SLC9B2: variants seen among roughly 807,000 people sequenced by gnomAD.
The protein encoded by SLC9B2 is solute carrier family 9 member B2, also known as sodium/hydrogen exchanger 9B2.
A neutral mutation model predicts 52.2 loss-of-function variants in SLC9B2; 39 were observed. The ratio of observed to expected loss-of-function variants is 0.75; its 90% confidence interval spans 0.58 to 0.98. SLC9B2 has a LOEUF of 0.98. Among genes scored for constraint, SLC9B2 ranks in the 50% least tolerant of loss-of-function variants. The probability of loss-of-function intolerance (pLI) is 0.00; values close to 1 mark genes in which losing one functional copy is unlikely to be tolerated. For synonymous variants in SLC9B2, 214 were observed against 227.0 expected, an observed-to-expected ratio of 0.94 and a Z score of 0.51; for missense variants, 626 against 637.5, an observed-to-expected ratio of 0.98 and a Z score of 0.19.
At chr4:103,057,273 TACAC>T (rs1553917193) in intron 4 of SLC9B2, among the ~76,000 whole-genome samples, 5 of 143,224 alleles carry the variant, frequency 3.5e-5, no homozygotes, top group African/African-American at 1.3e-4. Context: ...TATATATATA[TACAC>T]ACACACACAC....
At chr4:103,044,336 C>T (rs1486893959) in intron 8 of SLC9B2, among the ~76,000 whole-genome samples, 2 of 152,196 alleles carry the variant, frequency 1.3e-5, no homozygotes, top group African/African-American at 4.8e-5. Context: ...TCTGTATCTG[C>T]TATAGCCACG....
chr4:103,055,674 G>A (rs1162800460), intron 4 of SLC9B2, among the ~76,000 whole-genome samples: 2 of 151,940 alleles, frequency 1.3e-5, no homozygotes, highest in Non-Finnish European at 2.9e-5. Context: ...AACTGTTCAG[G>A]AAATGTGTGT....
chr4:103,070,061 A>G (rs541373617), intron 1 of SLC9B2, among the ~76,000 whole-genome samples: 11 of 152,364 alleles, frequency 7.2e-5, no homozygotes, highest in Admixed American at 4.6e-4. Context: ...GTACTTATAC[A>G]TGATCAGAAA....
At chr4:103,054,771 C>T (rs1744978394) in intron 4 of SLC9B2, among the ~76,000 whole-genome samples, 1 of 152,174 alleles carries the variant, frequency 6.6e-6, no homozygotes, top group South Asian at 2.1e-4. Context: ...GAAATAGGAA[C>T]ACTTTTACAC....
chr4:103,067,690 T>G (rs1230603602), intron 1 of SLC9B2, 98 bp from the exon 2 acceptor site: 1 of 677,774 alleles, frequency 1.5e-6, no homozygotes, highest in East Asian at 2.8e-5. Context: ...AAATTCCGAA[T>G]GGCTAAACTA....
intron 9 of SLC9B2, among the ~76,000 whole-genome samples, chr4:103,039,778 C>T (rs1025768619): frequency 7.3e-5 from 11 of 151,534 alleles, no homozygotes; most frequent in African/African-American, 2.7e-4. Flanking sequence ...TCCCGAGTAG[C>T]TGGGACTATA....
At chr4:103,035,123 C>T (rs536727491) in intron 9 of SLC9B2, among the ~76,000 whole-genome samples, 1 of 152,160 alleles carries the variant, frequency 6.6e-6, no homozygotes, top group East Asian at 1.9e-4. Flanking sequence ...TTTCCTGGTC[C>T]TCTCCCTCCT....
intron 1 of SLC9B2, among the ~76,000 whole-genome samples, chr4:103,070,688 G>A (rs1208662034): frequency 2.0e-5 from 3 of 152,144 alleles, no homozygotes; most frequent in South Asian, 2.1e-4. Context: ...TGATCCACCC[G>A]CCTAGGCCTC....
At chr4:103,039,221 T>G (rs941066148) in intron 9 of SLC9B2, among the ~76,000 whole-genome samples, 1 of 152,246 alleles carries the variant, frequency 6.6e-6, no homozygotes, top group Non-Finnish European at 1.5e-5. Context: ...GCTCTTAGTA[T>G]GATATCATGC....
At position 103,024,425 on chromosome 4, in the gene SLC9B2, C is replaced by T. The variant is rs574152865; in HGVS notation, c.*1945G>A. On this transcript the variant is annotated 3_prime_UTR_variant, in exon 12 of 12. Coordinates refer to ENST00000394785, the MANE Select transcript of SLC9B2 (RefSeq NM_178833.7). ...GCATAAACATTAAAGGAATACAGCA[C>T]CATAGGGTAACCAAAGCAAAGTTGA... Among the ~76,000 whole-genome samples the T allele has an allele frequency of 3.3e-5, 5 of 152,154 alleles. No individual in the cohort carries two copies. The East Asian group carries it at 7.7e-4, about 24-fold the overall frequency.
chr4:103,062,720 C>T (rs557631720), intron 3 of SLC9B2, among the ~76,000 whole-genome samples: 1 of 152,314 alleles, frequency 6.6e-6, no homozygotes, highest in Admixed American at 6.5e-5. Flanking sequence ...AAGTGATTCT[C>T]CTGTCTCAGC....
intron 4 of SLC9B2, among the ~76,000 whole-genome samples, chr4:103,056,894 C>A (rs566751892): frequency 4.6e-5 from 7 of 152,092 alleles, no homozygotes; most frequent in African/African-American, 1.4e-4. Context: ...TGCAGTGTTA[C>A]CATGAATGTT....
chr4:103,039,577 G>T (rs1167801004), intron 9 of SLC9B2, among the ~76,000 whole-genome samples: 1 of 151,612 alleles, frequency 6.6e-6, no homozygotes, highest in Non-Finnish European at 1.5e-5. Flanking sequence ...CCTGCCACAC[G>T]ACAGAGTCAA....
chr4:103,045,138 T>G, intron 7 of SLC9B2, 142 bp from the exon 8 acceptor site: 1 of 615,334 alleles, frequency 1.6e-6, no homozygotes, highest in Non-Finnish European at 2.8e-6. Context: ...CTTAAATATG[T>G]AAGTGGAACC....
At chr4:103,077,118 T>A (rs1747252359), upstream of SLC9B2, 1 of 152,252 alleles carries the variant, frequency 6.6e-6, no homozygotes, top group Non-Finnish European at 1.5e-5. Flanking sequence ...TATTTCCTCT[T>A]GTGTGTGTTA....
In SLC9B2 at chr4:103,028,847, A is replaced by G. The variant is rs763301263; in HGVS notation, c.1292T>C (p.Ile431Thr). 3.7e-6 allele frequency: 6 copies of G among 1,608,372 alleles called. No homozygotes were observed. The highest frequency in any genetic ancestry group is 3.3e-5 in the South Asian group (3 of 90,048). Reference protein sequence around the residue: ...CVATVGIAVLIRILTTFLMVC... With the variant: ...CVATVGIAVLTRILTTFLMVC... ...CATCAGAAATGTAGTCAAAATTCGTATCAATACTGCAATGCCTACGGTGGC... is the reference window on the plus strand; with the variant it reads ...CATCAGAAATGTAGTCAAAATTCGTGTCAATACTGCAATGCCTACGGTGGC... Residue 431 changes from isoleucine to threonine, a missense_variant, in exon 11 of 12, where the codon ATA becomes ACA. Physicochemically the swap from Ile to Thr is moderately conservative, Grantham distance 89. Transcript: ENST00000394785.
At position 103,044,873 on chromosome 4, in the gene SLC9B2, CAT is replaced by C. The variant is rs759734521; in HGVS notation, c.996+15_996+16del. ...GATATTTCAGAGCACAACTTTCCCA[CAT>C]ATTATTTCTTTCACCTGGTCACGGC... is the stretch of plus-strand genomic sequence containing the variant. On this transcript the variant is annotated intron_variant, in intron 8 of 11. Coordinates refer to ENST00000394785, the MANE Select transcript of SLC9B2 (RefSeq NM_178833.7). 6.3e-7 allele frequency: 1 copy of C among 1,578,656 alleles called. No homozygotes were observed. The highest frequency in any genetic ancestry group is 1.7e-5 in the Admixed American group (1 of 59,814).
At position 103,038,383 on chromosome 4, in the gene SLC9B2, A is replaced by G. The variant is rs1257489641; in HGVS notation, c.1146+4913T>C. 5.3e-5 allele frequency among the ~76,000 whole-genome samples: 8 copies of G among 152,262 alleles called. No individual in the cohort carries two copies. The South Asian group carries it at 8.3e-4, about 16-fold the overall frequency. ...CAAAGGCCAAAATTTGTTTTTGATTATAACACTTTAGACTAGTTGAACATC... is the reference window on the plus strand; with the variant it reads ...CAAAGGCCAAAATTTGTTTTTGATTGTAACACTTTAGACTAGTTGAACATC... On this transcript the variant is annotated intron_variant, in intron 9 of 11. Transcript: ENST00000394785.
At chr4:103,021,485 TAAA>T (rs11387839), downstream of SLC9B2, among the ~76,000 whole-genome samples, 36 of 152,000 alleles carry the variant, frequency 2.4e-4, no homozygotes, top group Non-Finnish European at 4.1e-4. Context: ...AATTTACTAA[TAAA>T]AAACATTTAA....
Sources: allele counts gnomAD v4.1 joint callset (sites outside exome capture counted in the v4.1 genomes callset), GRCh38; gene constraint gnomAD v4.1.1; transcripts MANE v1.5; gene names NCBI Gene and HGNC (gene_info 2026-07-23, HGNC 2026-07-21).